PRR5L: variants seen among roughly 807,000 people sequenced by gnomAD.
PRR5L encodes proline rich 5 like.
A neutral mutation model predicts 36.4 loss-of-function variants in PRR5L; 21 were observed. The observed-to-expected ratio is 0.58, with a 90% CI of 0.41 to 0.83. The LOEUF (loss-of-function observed/expected upper bound fraction) is 0.83. PRR5L is among the 40% of genes least tolerant of loss of function. The pLI is 0.00. For missense variants in PRR5L, 381 were observed against 473.3 expected (o/e 0.80, Z 1.81); for synonymous variants, 188 against 197.0 (o/e 0.95, Z 0.38).
intron 8 of PRR5L, among the ~76,000 whole-genome samples, chr11:36,460,902 T>G (rs1489506119): frequency 6.6e-6 from 1 of 152,244 alleles, no homozygotes; most frequent in Non-Finnish European, 1.5e-5. Flanking sequence ...CTGCTGCCAT[T>G]GCTCAGAACT....
intron 1 of PRR5L, among the ~76,000 whole-genome samples, chr11:36,346,587 A>C (rs1856868439): frequency 7.1e-6 from 1 of 141,540 alleles, no homozygotes; most frequent in Admixed American, 7.0e-5. Flanking sequence ...CATCTCAAAG[A>C]AAAAAAAAAA....
At chr11:36,402,730 C>T (rs1333628163) in intron 2 of PRR5L, among the ~76,000 whole-genome samples, 5 of 152,234 alleles carry the variant, frequency 3.3e-5, no homozygotes, top group African/African-American at 1.2e-4. Context: ...GTCCCAGAGG[C>T]TGTGGAGTAA....
chr11:36,408,501 C>T (rs1031465500), intron 3 of PRR5L, among the ~76,000 whole-genome samples: 6 of 152,174 alleles, frequency 3.9e-5, no homozygotes, highest in Non-Finnish European at 7.3e-5. Context: ...CCAGGCATCC[C>T]AATCAACAAT....
chr11:36,308,781 A>C (rs1856461319), intron 1 of PRR5L, among the ~76,000 whole-genome samples: 1 of 152,206 alleles, frequency 6.6e-6, no homozygotes, highest in Non-Finnish European at 1.5e-5. Context: ...TGACTCTATC[A>C]GAGGCTTTAA....
chr11:36,448,706 T>C (rs61877408), intron 7 of PRR5L, among the ~76,000 whole-genome samples: 12,537 of 152,226 alleles, frequency 0.082, 635 homozygotes, highest in Middle Eastern at 0.17. Context: ...GGGCTTCTTC[T>C]CTTGGCAGAG....
chr11:36,327,643 A>G (rs754232047), intron 1 of PRR5L, among the ~76,000 whole-genome samples: 2 of 152,152 alleles, frequency 1.3e-5, no homozygotes, highest in African/African-American at 2.4e-5. Context: ...CTGAATAGAA[A>G]TCACTGGTCA....
chr11:36,387,576 A>G (rs1413904790), intron 1 of PRR5L, among the ~76,000 whole-genome samples: 4 of 152,110 alleles, frequency 2.6e-5, no homozygotes, highest in African/African-American at 9.7e-5. Context: ...CCTCTCTCAA[A>G]GGTTCTCAGT....
Position 36,440,778 on chromosome 11 carries a change from G to C in PRR5L, c.444+3302G>C, listed in dbSNP as rs1242136105. Reference sequence around the variant, plus strand: ...GTGTAGTTGCCAGCATCTGCCCCAGGTGAGGCCACAGCAAGCCTTCACTCA... The same window carrying C: ...GTGTAGTTGCCAGCATCTGCCCCAGCTGAGGCCACAGCAAGCCTTCACTCA... On this transcript the variant is annotated intron_variant, in intron 6 of 8. Transcript: ENST00000530639. 5.9e-5 allele frequency among the ~76,000 whole-genome samples: 9 copies of C among 152,330 alleles called. 1 individual carries two copies. The highest frequency in any genetic ancestry group is 3.4e-3 in the Middle Eastern group (1 of 294).
rs1003685307 is a variant in PRR5L at position 36,395,121 on chromosome 11, T to C, written c.-125-5876T>C. Reference sequence around the variant, plus strand: ...TTGCTGAGAAGGCACCTTACAAACATGGTCATGTCATCCCGAAGACCCACA... The same window carrying C: ...TTGCTGAGAAGGCACCTTACAAACACGGTCATGTCATCCCGAAGACCCACA... On this transcript the variant is annotated intron_variant, in intron 1 of 8. Transcript: ENST00000530639. Among the ~76,000 whole-genome samples, 3 of 152,210 alleles carry C rather than the reference T, an allele frequency of 2.0e-5. No individual in the cohort carries two copies. The South Asian group carries it at 6.2e-4, about 32-fold the overall frequency.
In PRR5L at chr11:36,462,889, C is replaced by A; in HGVS notation, c.*153C>A. On this transcript the variant is annotated 3_prime_UTR_variant, in exon 9 of 9. Coordinates refer to ENST00000530639, the MANE Select transcript of PRR5L (RefSeq NM_001160167.2). ...TGGTCAAAATGACCTAAGGGGAAAC[C>A]GTTGTTGTAAACCTCTTTATTTTGG... 5.8e-6 allele frequency: 4 copies of A among 684,524 alleles called. No homozygotes were observed. The highest frequency in any genetic ancestry group is 6.6e-6 in the Non-Finnish European group (3 of 452,186). 42.4% of individuals were successfully genotyped at this position (684,524 alleles called of 1,614,324 possible).
intron 1 of PRR5L, among the ~76,000 whole-genome samples, chr11:36,345,239 G>A (rs1382426297): frequency 6.6e-6 from 1 of 152,120 alleles, no homozygotes; most frequent in East Asian, 1.9e-4. Context: ...GTGACTGCCA[G>A]CCCAAGGAAG....
Position 36,446,343 on chromosome 11 carries a change from G to C in PRR5L, c.488G>C (p.Arg163Pro), listed in dbSNP as rs761350393. Residue 163 changes from arginine (R) to proline (P), a missense_variant, in exon 7 of 9, where the codon CGA (arginine) becomes CCA (proline). Transcript: ENST00000530639. Reference sequence around the variant, plus strand: ...CGCCAGATCTCCCTGCTGGGCTTCCGAGACCTAGTCTTGCTGAAGGTGAAG... The same window carrying C: ...CGCCAGATCTCCCTGCTGGGCTTCCCAGACCTAGTCTTGCTGAAGGTGAAG... The part of the protein sequence containing the change: ...TIRQISLLGF[R>P]DLVLLKVKLG... 6.2e-7 allele frequency: 1 copy of C among 1,614,046 alleles called. No homozygotes were observed. Among genetic ancestry groups the C allele is most frequent in the South Asian group, 1.1e-5 (1 of 91,080 alleles).
intron 1 of PRR5L, among the ~76,000 whole-genome samples, chr11:36,330,205 TCTA>T (rs1234286180): frequency 6.6e-6 from 1 of 152,166 alleles, no homozygotes; most frequent in Non-Finnish European, 1.5e-5. Context: ...AGACATATAA[TCTA>T]CTAAATTGCT....
At position 36,451,260 on chromosome 11, in the gene PRR5L, C is replaced by G. The variant is rs767273939; in HGVS notation, c.637C>G (p.Leu213Val). The change falls in exon 8 of 9, where the codon CTG becomes GTG. Residue 213 changes from leucine (L) to valine (V), a missense_variant. Transcript: ENST00000530639. ...PSESYLQLEE[L>V]VKQVVSPFLG... is the part of the protein sequence containing the mutation. ...TGAGAGTTATTTGCAACTGGAGGAG[C>G]TGGTGAAGCAAGTGGTTTCTCCTTT... 3.1e-6 allele frequency: 5 copies of G among 1,614,082 alleles called. No homozygotes were observed. The highest frequency in any genetic ancestry group is 2.2e-5 in the East Asian group (1 of 44,896).
intron 1 of PRR5L, among the ~76,000 whole-genome samples, chr11:36,360,637 G>A (rs1857077280): frequency 6.6e-6 from 1 of 152,244 alleles, no homozygotes; most frequent in East Asian, 1.9e-4. Flanking sequence ...AAATGCATGT[G>A]TGTGTGTATG....
rs1858499094 is a variant in PRR5L at position 36,431,715 on chromosome 11, G to A, written c.295-138G>A. On this transcript the variant is annotated intron_variant, in intron 4 of 8. Transcript: ENST00000530639. Reference sequence around the variant, plus strand: ...GCCTTAACCTTCCAAGAGGAAAAAAGGCTTCTTAAACTCCGAGGCACGGCT... The same window carrying A: ...GCCTTAACCTTCCAAGAGGAAAAAAAGCTTCTTAAACTCCGAGGCACGGCT... 3 of 680,960 alleles carry A rather than the reference G, an allele frequency of 4.4e-6. No individual in the cohort carries two copies. In the Admixed American group the frequency reaches 7.6e-5, roughly 17 times the overall value. The allele number at this position is 680,960 out of a possible 1,614,324, so 42.2% of individuals were successfully genotyped here.
rs1856311298 is a variant in PRR5L at position 36,296,370 on chromosome 11, T to A, written c.-194T>A. 1 of 152,082 alleles carries A rather than the reference T, an allele frequency of 6.6e-6. No homozygotes were observed. The highest frequency in any genetic ancestry group is 2.4e-5 in the African/African-American group (1 of 41,384). The allele number at this position is 152,082 out of a possible 1,614,324, so 9.4% of individuals were successfully genotyped here. A position where few individuals can be genotyped will look rare whatever the true frequency, so the allele number is the denominator to read the frequency against. Reference sequence around the variant, plus strand: ...TTGGAACATCCCCTTCTCGGGAGGCTGGAAGGCCATGGTCATTCACCTCTC... The same window carrying A: ...TTGGAACATCCCCTTCTCGGGAGGCAGGAAGGCCATGGTCATTCACCTCTC... On this transcript the variant is annotated 5_prime_UTR_variant, in exon 1 of 9. Coordinates refer to ENST00000530639, the MANE Select transcript of PRR5L (RefSeq NM_001160167.2).
chr11:36,307,643 C>T (rs1241371259), intron 1 of PRR5L, among the ~76,000 whole-genome samples: 1 of 152,190 alleles, frequency 6.6e-6, no homozygotes, highest in Non-Finnish European at 1.5e-5. Context: ...CCTTTCCTTT[C>T]CTTCTGAAAG....
At chr11:36,458,183 G>T (rs536637480) in intron 8 of PRR5L, among the ~76,000 whole-genome samples, 5 of 151,918 alleles carry the variant, frequency 3.3e-5, no homozygotes, top group South Asian at 2.1e-4. Context: ...AGCATCTGCT[G>T]GGGGGCAGTG....
Sources: allele counts gnomAD v4.1 joint callset (sites outside exome capture counted in the v4.1 genomes callset), GRCh38; gene constraint gnomAD v4.1.1; transcripts MANE v1.5; gene names NCBI Gene and HGNC (gene_info 2026-07-23, HGNC 2026-07-21).